The following ANKRD33B variants were observed in gnomAD, a reference collection of about 807,000 sequenced individuals.
ANKRD33B encodes ankyrin repeat domain 33B.
Under a neutral mutation model 21.5 loss-of-function variants are expected in ANKRD33B, and 6 were observed. That is an observed-to-expected ratio of 0.28 (90% confidence interval 0.15 to 0.55). The LOEUF is 0.55. Ranked by LOEUF, ANKRD33B falls within the 20% of genes least tolerant of loss-of-function variation. ANKRD33B has a pLI of 0.94. For synonymous variants in ANKRD33B, 347 were observed against 342.4 expected (o/e 1.01, Z -0.15); for missense variants, 698 against 747.2 (o/e 0.93, Z 0.77).
intron 1 of ANKRD33B, among the ~76,000 whole-genome samples, chr5:10,587,051 G>A (rs1367771269): frequency 1.3e-5 from 2 of 152,010 alleles, no homozygotes; most frequent in African/African-American, 4.8e-5. Context: ...GTCTCGCTCT[G>A]TCGCCCAAGC....
chr5:10,581,376 G>A (rs1198473711), intron 1 of ANKRD33B, among the ~76,000 whole-genome samples: 2 of 152,228 alleles, frequency 1.3e-5, no homozygotes, highest in African/African-American at 4.8e-5. Context: ...TGAGGTGCAC[G>A]GTGGCCTGGC....
intron 1 of ANKRD33B, among the ~76,000 whole-genome samples, chr5:10,590,552 A>C (rs1412170087): frequency 1.3e-5 from 2 of 152,102 alleles, no homozygotes; most frequent in African/African-American, 4.8e-5. Context: ...AATGCAGCCC[A>C]ACACAAATTT....
intron 1 of ANKRD33B, among the ~76,000 whole-genome samples, chr5:10,587,638 A>C (rs1168697241): frequency 6.6e-6 from 1 of 151,160 alleles, no homozygotes; most frequent in African/African-American, 2.4e-5. Flanking sequence ...CAGTACCTGG[A>C]GCTAATGATA....
intron 1 of ANKRD33B, among the ~76,000 whole-genome samples, chr5:10,609,339 G>A (rs1390465020): frequency 6.6e-6 from 1 of 152,100 alleles, no homozygotes; most frequent in Non-Finnish European, 1.5e-5. Context: ...GATCACTTGA[G>A]CCCAGGAGTT....
intron 1 of ANKRD33B, among the ~76,000 whole-genome samples, chr5:10,592,539 T>A (rs184999201): frequency 4.0e-5 from 6 of 150,820 alleles, no homozygotes; most frequent in African/African-American, 1.5e-4. Context: ...TGAGAATCGC[T>A]TGAACCCGGG....
intron 2 of ANKRD33B, among the ~76,000 whole-genome samples, chr5:10,620,763 C>T (rs948996649): frequency 1.3e-5 from 2 of 152,196 alleles, no homozygotes; most frequent in Non-Finnish European, 2.9e-5. Context: ...AGGACACATA[C>T]TGCCAGTGTG....
intron 1 of ANKRD33B, among the ~76,000 whole-genome samples, chr5:10,578,984 C>T (rs929181796): frequency 1.2e-4 from 18 of 151,928 alleles, no homozygotes; most frequent in African/African-American, 3.9e-4. Flanking sequence ...GGCAACATGG[C>T]GAAACCCCAT....
intron 3 of ANKRD33B, among the ~76,000 whole-genome samples, chr5:10,638,884 C>T (rs199789240): frequency 8.2e-6 from 1 of 121,940 alleles, no homozygotes; most frequent in African/African-American, 2.9e-5. Flanking sequence ...GTAATGTTAG[C>T]GGGTGACGTG....
chr5:10,618,638 T>C (rs1560975985), intron 2 of ANKRD33B, among the ~76,000 whole-genome samples, 176 bp downstream of exon 2: 1 of 152,220 alleles, frequency 6.6e-6, no homozygotes, highest in Non-Finnish European at 1.5e-5. Context: ...ATTTACCCAC[T>C]TGTTCAGAAT....
At chr5:10,605,167 C>T (rs549882867) in intron 1 of ANKRD33B, among the ~76,000 whole-genome samples, 2 of 152,236 alleles carry the variant, frequency 1.3e-5, no homozygotes, top group African/African-American at 4.8e-5. Context: ...CAGGGCGTGG[C>T]GGCCGGCTTC....
chr5:10,614,353 C>T (rs1488780892), intron 1 of ANKRD33B, among the ~76,000 whole-genome samples: 1 of 152,194 alleles, frequency 6.6e-6, no homozygotes, highest in Non-Finnish European at 1.5e-5. Context: ...TGACCAAATA[C>T]CTAGGTACTA....
intron 1 of ANKRD33B, among the ~76,000 whole-genome samples, chr5:10,612,586 C>T (rs913167293): frequency 2.2e-4 from 34 of 152,226 alleles, no homozygotes; most frequent in African/African-American, 6.3e-4. Flanking sequence ...TCACGCTGCC[C>T]GAGTATTCTT....
At chr5:10,642,909 T>G (rs1302807697) in intron 3 of ANKRD33B, among the ~76,000 whole-genome samples, 1 of 152,104 alleles carries the variant, frequency 6.6e-6, no homozygotes, top group East Asian at 1.9e-4. Context: ...TTTTGCTTTG[T>G]TTTGTTTTGT....
chr5:10,582,196 T>C (rs1357382063), intron 1 of ANKRD33B, among the ~76,000 whole-genome samples: 8 of 152,220 alleles, frequency 5.3e-5, no homozygotes, highest in Admixed American at 2.0e-4. Flanking sequence ...AAAAGGGCCC[T>C]ATGTCTGATG....
intron 3 of ANKRD33B, among the ~76,000 whole-genome samples, chr5:10,642,711 T>C (rs545016241): frequency 6.6e-6 from 1 of 152,342 alleles, no homozygotes; most frequent in African/African-American, 2.4e-5. Flanking sequence ...TGATTATTGT[T>C]ATTATTATGA....
In ANKRD33B at chr5:10,650,019, A is replaced by C; in HGVS notation, c.1391A>C (p.Lys464Thr). The change falls in exon 4 of 4, where the codon AAG (lysine) becomes ACG (threonine). Residue 464 changes from lysine to threonine, a missense_variant. Lys to Thr is a moderately conservative substitution (Grantham distance 78, BLOSUM62 -1). Transcript: ENST00000296657. ...CCCAAGTGGCGGTACAAGGAGGCCA[A>C]GGAGGAGAAGAGGAAGGCAGAGGAG... ...QIPKWRYKEA[K>T]EEKRKAEEAE... 1 of 1,533,056 alleles carries C rather than the reference A, an allele frequency of 6.5e-7. No individual in the cohort carries two copies. The highest frequency in any genetic ancestry group is 8.7e-7 in the Non-Finnish European group (1 of 1,144,472). 95.0% of individuals were successfully genotyped at this position (1,533,056 alleles called of 1,614,324 possible). A position where few individuals can be genotyped will look rare whatever the true frequency, so the allele number is the denominator to read the frequency against.
chr5:10,625,535 C>T (rs747061150), intron 2 of ANKRD33B, among the ~76,000 whole-genome samples: 3 of 152,214 alleles, frequency 2.0e-5, no homozygotes, highest in Non-Finnish European at 4.4e-5. Flanking sequence ...CCCTGCCAGG[C>T]GCTCGTAGCC....
At chr5:10,613,146 G>T (rs1736205775) in intron 1 of ANKRD33B, among the ~76,000 whole-genome samples, 1 of 152,086 alleles carries the variant, frequency 6.6e-6, no homozygotes, top group African/African-American at 2.4e-5. Flanking sequence ...CTCTCCCCTG[G>T]CTGTCGTGGG....
Position 10,651,284 on chromosome 5 carries a change from T to G in ANKRD33B, c.*1171T>G, listed in dbSNP as rs1180878251. On this transcript the variant is annotated 3_prime_UTR_variant, in exon 4 of 4. Transcript: ENST00000296657. ...GCGCTTGGTGTTTAGTTCATCCTTA[T>G]GCCGACCTCTTAGAATTTCCAAGAT... 6.6e-6 allele frequency: 1 copy of G among 152,382 alleles called. No individual in the cohort carries two copies. The highest frequency in any genetic ancestry group is 1.5e-5 in the Non-Finnish European group (1 of 68,064). The allele number at this position is 152,382 out of a possible 1,614,324, so 9.4% of individuals were successfully genotyped here. A position where few individuals can be genotyped will look rare whatever the true frequency, so the allele number is the denominator to read the frequency against.
Sources: allele counts gnomAD v4.1 joint callset (sites outside exome capture counted in the v4.1 genomes callset), GRCh38; gene constraint gnomAD v4.1.1; transcripts MANE v1.5; gene names NCBI Gene and HGNC (gene_info 2026-07-23, HGNC 2026-07-21).